Variants in RBM18 observed in about 807,000 individuals in gnomAD.
RBM18 encodes RNA binding motif protein 18.
Under a neutral mutation model 26.4 loss-of-function variants are expected in RBM18, and 18 were observed. That is an observed-to-expected ratio of 0.68 (90% confidence interval 0.47 to 1.01). RBM18 has a LOEUF of 1.01. Among genes scored for constraint, RBM18 ranks in the 50% least tolerant of loss-of-function variants. The probability of loss-of-function intolerance (pLI) is 0.00; values close to 1 mark genes in which losing one functional copy is unlikely to be tolerated. For synonymous variants in RBM18, 74 were observed against 81.1 expected, an observed-to-expected ratio of 0.91 and a Z score of 0.47; for missense variants, 180 against 219.2, an observed-to-expected ratio of 0.82 and a Z score of 1.13.
chr9:122,251,800 T>C (rs954256570), intron 3 of RBM18, 47 bp downstream of exon 3: 6 of 1,575,326 alleles, frequency 3.8e-6, no homozygotes, highest in Admixed American at 1.7e-5. Context: ...CAAATAATTA[T>C]GACAGAGCTT....
chr9:122,248,211 T>C (rs1441296662), intron 3 of RBM18, among the ~76,000 whole-genome samples: 1 of 152,226 alleles, frequency 6.6e-6, no homozygotes, highest in Non-Finnish European at 1.5e-5. Context: ...AGATAAATAA[T>C]GTATAATCTT....
chr9:122,252,423 T>A (rs923132075), intron 2 of RBM18, among the ~76,000 whole-genome samples: 1 of 151,622 alleles, frequency 6.6e-6, no homozygotes, highest in South Asian at 2.1e-4. Context: ...AACAAACATA[T>A]ATGCATTCAT....
intron 3 of RBM18, among the ~76,000 whole-genome samples, chr9:122,250,068 T>TAAAAAAAAAA (rs59558933): frequency 0.1 from 10,907 of 107,040 alleles, 826 homozygotes; most frequent in East Asian, 0.27. Flanking sequence ...AGACCTTATT[T>TAAAAAAAAAA]AAAAAAAAAA....
intron 2 of RBM18, among the ~76,000 whole-genome samples, chr9:122,255,898 C>T (rs1316509991): frequency 2.6e-5 from 4 of 151,906 alleles, no homozygotes; most frequent in Admixed American, 1.3e-4. Context: ...ACTCGGGAGG[C>T]TGAGGTGGGA....
At position 122,241,820 on chromosome 9, in the gene RBM18, C is replaced by A; in HGVS notation, c.*64G>T. The A allele has an allele frequency of 1.4e-6, 2 of 1,445,216 alleles. No individual in the cohort carries two copies. The highest frequency in any genetic ancestry group is 1.2e-5 in the South Asian group (1 of 83,266). The allele number at this position is 1,445,216 out of a possible 1,614,324, so 89.5% of individuals were successfully genotyped here. On this transcript the variant is annotated 3_prime_UTR_variant, in exon 6 of 6. Transcript: ENST00000417201. ...TAGTACCATTCACATCTACAAAGTA[C>A]ACAGGCAGACGATTTTAGGTGTGGA...
chr9:122,245,190 G>T, intron 5 of RBM18, 66 bp downstream of exon 5: 2 of 908,126 alleles, frequency 2.2e-6, no homozygotes, highest in Non-Finnish European at 3.6e-6. Context: ...TATGAACGAA[G>T]ACATGGAATA....
intron 2 of RBM18, among the ~76,000 whole-genome samples, 181 bp downstream of exon 2, chr9:122,261,199 G>GC (rs1412591347): frequency 6.6e-6 from 1 of 152,094 alleles, no homozygotes; most frequent in African/African-American, 2.4e-5. Context: ...CCTTGCAGTA[G>GC]CAGAGTCCAA....
chr9:122,242,163 A>T, intron 5 of RBM18, 120 bp from the exon 6 acceptor site: 4 of 904,236 alleles, frequency 4.4e-6, no homozygotes, highest in Non-Finnish European at 6.5e-6. Context: ...TAAATTACAG[A>T]CATTTAAACA....
intron 2 of RBM18, among the ~76,000 whole-genome samples, chr9:122,260,622 G>C (rs1051155433): frequency 2.0e-5 from 3 of 152,118 alleles, no homozygotes; most frequent in Non-Finnish European, 4.4e-5. Flanking sequence ...CTCTATGTAG[G>C]ATAAAAAAGC....
chr9:122,249,608 C>T (rs1282157805), intron 3 of RBM18, among the ~76,000 whole-genome samples: 3 of 151,570 alleles, frequency 2.0e-5, no homozygotes, highest in Admixed American at 2.0e-4. Context: ...ACTTGGGAGG[C>T]TGAGGTGGGA....
chr9:122,251,489 C>T (rs1250259234), intron 3 of RBM18, among the ~76,000 whole-genome samples: 1 of 152,138 alleles, frequency 6.6e-6, no homozygotes, highest in Non-Finnish European at 1.5e-5. Context: ...TTCTGTACCA[C>T]AGGACAAAAC....
intron 5 of RBM18, among the ~76,000 whole-genome samples, chr9:122,244,188 A>C (rs1184526232): frequency 6.6e-6 from 1 of 152,192 alleles, no homozygotes; most frequent in Non-Finnish European, 1.5e-5. Context: ...CTATAGAATG[A>C]ATTTAAATTT....
chr9:122,263,735 G>T (rs1266807542), intron 1 of RBM18, among the ~76,000 whole-genome samples: 1 of 152,162 alleles, frequency 6.6e-6, no homozygotes, highest in Non-Finnish European at 1.5e-5. Context: ...TGAATGATAG[G>T]ACATTCTGAT....
At chr9:122,253,205 T>C (rs1831634103) in intron 2 of RBM18, among the ~76,000 whole-genome samples, 1 of 152,222 alleles carries the variant, frequency 6.6e-6, no homozygotes, top group Middle Eastern at 3.2e-3. Flanking sequence ...CAAAATTTTA[T>C]TCTTGAGCAA....
chr9:122,244,195 A>T (rs1468542908), intron 5 of RBM18, among the ~76,000 whole-genome samples: 1 of 152,184 alleles, frequency 6.6e-6, no homozygotes. Flanking sequence ...ATGAATTTAA[A>T]TTTACCAATT....
chr9:122,256,023 T>C (rs1176532483), intron 2 of RBM18, among the ~76,000 whole-genome samples: 1 of 151,260 alleles, frequency 6.6e-6, no homozygotes, highest in Non-Finnish European at 1.5e-5. Flanking sequence ...AGAGTGAGAC[T>C]CTGTCTCAAA....
Position 122,240,027 on chromosome 9 carries a change from T to C in RBM18, c.*1857A>G, listed in dbSNP as rs1831390528. On this transcript the variant is annotated 3_prime_UTR_variant, in exon 6 of 6. Transcript: ENST00000417201. ...CACACGGACACCGTCTTACATTTATTCACACAGAGGGATAAGAATCAGTAC... is the reference window on the plus strand; with the variant it reads ...CACACGGACACCGTCTTACATTTATCCACACAGAGGGATAAGAATCAGTAC... The C allele has an allele frequency of 6.6e-6, 1 of 152,222 alleles. No homozygotes were observed. Among genetic ancestry groups the C allele is most frequent in the Non-Finnish European group, 1.5e-5 (1 of 68,042 alleles). The allele number at this position is 152,222 out of a possible 1,614,324, so 9.4% of individuals were successfully genotyped here. A position where few individuals can be genotyped will look rare whatever the true frequency, so the allele number is the denominator to read the frequency against.
rs759877733 is a variant in RBM18 at position 122,264,806 on chromosome 9, T to G, written c.-108A>C. 1 of 152,338 alleles carries G rather than the reference T, an allele frequency of 6.6e-6. No individual in the cohort carries two copies. Among genetic ancestry groups the G allele is most frequent in the Admixed American group, 6.5e-5 (1 of 15,286 alleles). The allele number at this position is 152,338 out of a possible 1,614,324, so 9.4% of individuals were successfully genotyped here. ...GGACCTCTAGACGCGTCCGCCTCAATGCCGCCAGCTGCCAGGCCGCCCGTG... is the reference window on the plus strand; with the variant it reads ...GGACCTCTAGACGCGTCCGCCTCAAGGCCGCCAGCTGCCAGGCCGCCCGTG... On this transcript the variant is annotated 5_prime_UTR_variant, in exon 1 of 6. Transcript: ENST00000417201.
chr9:122,262,882 G>C (rs2118980024), intron 1 of RBM18, among the ~76,000 whole-genome samples: 1 of 152,272 alleles, frequency 6.6e-6, no homozygotes, highest in East Asian at 1.9e-4. Flanking sequence ...ACCATGCCCA[G>C]CACAAACTGT....
Sources: gnomAD v4.1 joint callset for allele counts (sites outside exome capture counted in the v4.1 genomes callset) on GRCh38, gnomAD v4.1.1 for gene constraint, MANE v1.5 for transcripts, NCBI Gene and HGNC (gene_info 2026-07-23, HGNC 2026-07-21) for gene names.